The following SLC16A7 variants were observed in gnomAD, a reference collection of about 807,000 sequenced individuals.
SLC16A7 encodes monocarboxylate transporter 2.
SLC16A7 carries 33 observed loss-of-function variants against 34.9 expected under a neutral mutation model. The observed-to-expected ratio is 0.94, with a 90% CI of 0.72 to 1.26. The LOEUF (loss-of-function observed/expected upper bound fraction) is 1.26. SLC16A7 is among the 50% of genes most tolerant of loss of function. SLC16A7 has a pLI of 0.00. For synonymous variants in SLC16A7, 201 were observed against 206.6 expected (o/e 0.97, Z 0.23); for missense variants, 573 against 578.1 (o/e 0.99, Z 0.09).
At chr12:59,597,764 A>G (rs1487819702) in intron 1 of SLC16A7, among the ~76,000 whole-genome samples, 1 of 152,236 alleles carries the variant, frequency 6.6e-6, no homozygotes. Flanking sequence ...GTGGAAAGGA[A>G]AGATTACAAC....
At chr12:59,723,936 TTCA>T (rs751267598) in intron 3 of SLC16A7, among the ~76,000 whole-genome samples, 1 of 152,070 alleles carries the variant, frequency 6.6e-6, no homozygotes, top group Non-Finnish European at 1.5e-5. Flanking sequence ...TTTACCAATT[TTCA>T]TCTTTTCATT....
chr12:59,712,713 AT>A lies in SLC16A7; in HGVS notation c.217+7696del, dbSNP rs368197759. Among the ~76,000 whole-genome samples the A allele has an allele frequency of 1.3e-3, 191 of 152,318 alleles. 4 individuals carry two copies. The South Asian group carries it at 0.02, about 16-fold the overall frequency. On this transcript the variant is annotated intron_variant, in intron 3 of 5. Transcript: ENST00000547379. ...AAACTAGTGTCAGTGTTTAGGGTCA[AT>A]GGGACTTGCAGTGTAAACTATGTGG...
Position 59,648,394 on chromosome 12 carries a change from T to C in SLC16A7, c.-129-6758T>C, listed in dbSNP as rs1868284587. Among the ~76,000 whole-genome samples, 4 of 152,298 alleles carry C rather than the reference T, an allele frequency of 2.6e-5. No homozygotes were observed. The South Asian group carries it at 8.3e-4, about 32-fold the overall frequency. ...GAGATTGTTAGTGATTGATTATAGA[T>C]GATATTAATATTTATTGAGTACATA... On this transcript the variant is annotated intron_variant, in intron 1 of 5. Coordinates refer to ENST00000547379, the MANE Select transcript of SLC16A7 (RefSeq NM_001270623.2).
At chr12:59,745,812 A>C (rs1410823259) in intron 3 of SLC16A7, among the ~76,000 whole-genome samples, 1 of 152,230 alleles carries the variant, frequency 6.6e-6, no homozygotes, top group Non-Finnish European at 1.5e-5. Context: ...AAGACTAGGA[A>C]GTTTAATTAT....
At chr12:59,675,022 T>C (rs547309004) in intron 2 of SLC16A7, among the ~76,000 whole-genome samples, 2 of 152,064 alleles carry the variant, frequency 1.3e-5, no homozygotes, top group African/African-American at 4.8e-5. Context: ...ACTAAGCGAG[T>C]CTGGGTCAAC....
intron 3 of SLC16A7, among the ~76,000 whole-genome samples, chr12:59,723,135 C>T (rs1456370881): frequency 6.6e-6 from 1 of 151,712 alleles, no homozygotes; most frequent in Admixed American, 6.6e-5. Context: ...CCTAGACATA[C>T]CCTGGCATAT....
At chr12:59,741,342 A>G (rs372411667) in intron 3 of SLC16A7, among the ~76,000 whole-genome samples, 1 of 152,154 alleles carries the variant, frequency 6.6e-6, no homozygotes, top group Non-Finnish European at 1.5e-5. Context: ...AACCTTACCC[A>G]GTGTGTTTGT....
rs867123643 is a variant in SLC16A7, at chr12:59,671,931, A to G, written c.-31+16681A>G. 3.2e-3 allele frequency among the ~76,000 whole-genome samples: 106 copies of G among 32,898 alleles called. 13 individuals carry two copies. Among genetic ancestry groups the G allele is most frequent in the South Asian group, 6.3e-3 (7 of 1,112 alleles). 21.6% of individuals were successfully genotyped at this position (32,898 alleles called of 152,430 possible). On this transcript the variant is annotated intron_variant, in intron 2 of 5. Coordinates refer to ENST00000547379, the MANE Select transcript of SLC16A7 (RefSeq NM_001270623.2). ...CATATATGTATATATGTATATATCC[A>G]TATATGTATATATGTGTATATATGT...
rs866144502 is a variant in SLC16A7 at position 59,723,858 on chromosome 12, T to A, written c.217+18840T>A. Among the ~76,000 whole-genome samples, 190 of 152,094 alleles carry A rather than the reference T, an allele frequency of 1.2e-3. 3 individuals carry two copies. The South Asian group carries it at 0.02, about 16-fold the overall frequency. On this transcript the variant is annotated intron_variant, in intron 3 of 5. Transcript: ENST00000547379. ...TACTGTTGTTCCCGTTTATATTGCTTTTTTTGTTTCCATTGCCTTTTTTTC... is the reference window on the plus strand; with the variant it reads ...TACTGTTGTTCCCGTTTATATTGCTATTTTTGTTTCCATTGCCTTTTTTTC...
chr12:59,749,676 A>T (rs1565693079), intron 3 of SLC16A7, among the ~76,000 whole-genome samples: 1 of 152,344 alleles, frequency 6.6e-6, no homozygotes, highest in South Asian at 2.1e-4. Context: ...AGAAAAAGCC[A>T]TGAAAGTCGC....
rs1878404650 is a variant in SLC16A7 at position 59,596,498 on chromosome 12, G to GC, written c.-130+263dup. ...ACAGCTGCCCGGGAACTGAGGGGGC[G>GC]CGCGGGGTCCTGGGCAAGGAGCGCC... On this transcript the variant is annotated intron_variant, in intron 1 of 5. Coordinates refer to ENST00000547379, the MANE Select transcript of SLC16A7 (RefSeq NM_001270623.2). The surrounding 1 kb of genome is among the most constrained non-coding windows in gnomAD (Gnocchi z 5.0). 1.9e-5 allele frequency among the ~76,000 whole-genome samples: 2 copies of GC among 103,194 alleles called. No homozygotes were observed. Among genetic ancestry groups the GC allele is most frequent in the African/African-American group, 8.9e-5 (2 of 22,554 alleles). 67.7% of individuals were successfully genotyped at this position (103,194 alleles called of 152,430 possible).
intron 1 of SLC16A7, among the ~76,000 whole-genome samples, chr12:59,601,170 G>A (rs1251297913): frequency 1.3e-5 from 2 of 152,092 alleles, no homozygotes; most frequent in African/African-American, 4.8e-5. Context: ...TTTATTATAA[G>A]CATTTGCTGT....
At position 59,789,742 on chromosome 12, in the gene SLC16A7, T is replaced by C. The variant is rs1883862915; in HGVS notation, c.*10063T>C. 2 of 152,170 alleles carry C rather than the reference T, an allele frequency of 1.3e-5. No individual in the cohort carries two copies. Among genetic ancestry groups the C allele is most frequent in the African/African-American group, 4.8e-5 (2 of 41,464 alleles). 9.4% of individuals were successfully genotyped at this position (152,170 alleles called of 1,614,324 possible). ...ACTAATTTTTACTGCAGGTCTGTGC[T>C]GTTTCTTAGAAAGTACATGCATATA... is the stretch of plus-strand genomic sequence containing the variant. On this transcript the variant is annotated 3_prime_UTR_variant, in exon 6 of 6. Coordinates refer to ENST00000547379, the MANE Select transcript of SLC16A7 (RefSeq NM_001270623.2).
At chr12:59,653,881 A>G (rs1592438936) in intron 1 of SLC16A7, among the ~76,000 whole-genome samples, 1 of 151,570 alleles carries the variant, frequency 6.6e-6, no homozygotes, top group Non-Finnish European at 1.5e-5. Context: ...ATTTTTTTAT[A>G]TTTTAAAAAC....
chr12:59,673,604 A>G (rs1236991315), intron 2 of SLC16A7, among the ~76,000 whole-genome samples: 2 of 152,140 alleles, frequency 1.3e-5, no homozygotes, highest in East Asian at 3.9e-4. Context: ...ATAGGAGTGA[A>G]AAAACTGTCT....
At chr12:59,733,645 C>T (rs1266897550) in intron 3 of SLC16A7, 2 of 451,058 alleles carry the variant, frequency 4.4e-6, no homozygotes, top group African/African-American at 4.0e-5. Flanking sequence ...TCCTTCTCAT[C>T]ACCTGAACAT....
intron 1 of SLC16A7, among the ~76,000 whole-genome samples, chr12:59,635,286 G>A (rs532215941): frequency 6.6e-6 from 1 of 152,128 alleles, no homozygotes; most frequent in South Asian, 2.1e-4. Context: ...GGTACAAAAT[G>A]TACTATTGGA....
At chr12:59,692,574 A>T (rs1258307845) in intron 2 of SLC16A7, among the ~76,000 whole-genome samples, 2 of 151,914 alleles carry the variant, frequency 1.3e-5, no homozygotes, top group African/African-American at 4.8e-5. Flanking sequence ...AAATCAGGGG[A>T]ATTGTTTTGT....
intron 3 of SLC16A7, among the ~76,000 whole-genome samples, chr12:59,737,578 C>T (rs747301508): frequency 1.3e-5 from 2 of 152,154 alleles, no homozygotes; most frequent in Non-Finnish European, 2.9e-5. Context: ...GAGCTGACTT[C>T]CTGAGTAACT....
Sources: allele counts gnomAD v4.1 joint callset (sites outside exome capture counted in the v4.1 genomes callset), GRCh38; gene constraint gnomAD v4.1.1; non-coding constraint Gnocchi (gnomAD v3.1); transcripts MANE v1.5; gene names NCBI Gene and HGNC (gene_info 2026-07-23, HGNC 2026-07-21).